PIGL: variants seen among roughly 807,000 people sequenced by gnomAD.
PIGL encodes N-acetylglucosaminyl-phosphatidylinositol de-N-acetylase.
PIGL carries 22 observed loss-of-function variants against 31.1 expected under a neutral mutation model. That is an observed-to-expected ratio of 0.71 (90% CI 0.51 to 1.01). PIGL has a LOEUF of 1.01. Ranked by LOEUF, PIGL falls within the 50% of genes least tolerant of loss-of-function variation. PIGL has a pLI of 0.00. For missense variants in PIGL, 302 were observed against 315.9 expected (o/e 0.96, Z 0.33); for synonymous variants, 131 against 117.4 (o/e 1.12, Z -0.75).
At chr17:16,325,139 A>G (rs2093121684) in intron 6 of PIGL, among the ~76,000 whole-genome samples, 1 of 151,916 alleles carries the variant, frequency 6.6e-6, no homozygotes, top group South Asian at 2.1e-4. Flanking sequence ...AGGTCAGGAG[A>G]TCGAGACTAT....
intron 2 of PIGL, among the ~76,000 whole-genome samples, chr17:16,248,726 C>G (rs147471706): frequency 1.4e-4 from 22 of 152,324 alleles, no homozygotes; most frequent in African/African-American, 5.3e-4. Context: ...TACCCATTAT[C>G]TAGTTCCAAA....
intron 2 of PIGL, among the ~76,000 whole-genome samples, chr17:16,241,609 A>G (rs1274727738): frequency 3.9e-5 from 6 of 152,070 alleles, no homozygotes; most frequent in African/African-American, 7.2e-5. Context: ...GAAATTGCCC[A>G]TGGATTAACT....
At chr17:16,217,603 AGCC>A in intron 1 of PIGL, 142 bp downstream of exon 1, 38 of 664,622 alleles carry the variant, frequency 5.7e-5, no homozygotes, top group Admixed American at 2.9e-4. Context: ...AACCCCTCAC[AGCC>A]TAGGGACAGG....
intron 1 of PIGL, among the ~76,000 whole-genome samples, chr17:16,233,027 T>C (rs528052348): frequency 8.6e-5 from 13 of 151,646 alleles, no homozygotes; most frequent in Non-Finnish European, 1.5e-4. Flanking sequence ...GGCAGGAGAA[T>C]CGCTTGAACT....
At chr17:16,248,787 C>A (rs1166284156) in intron 2 of PIGL, among the ~76,000 whole-genome samples, 1 of 152,184 alleles carries the variant, frequency 6.6e-6, no homozygotes, top group Non-Finnish European at 1.5e-5. Flanking sequence ...TAAAATCTGT[C>A]TTAGTCAGCT....
chr17:16,321,561 A>C (rs12948905), intron 6 of PIGL, among the ~76,000 whole-genome samples: 60,327 of 152,014 alleles, frequency 0.4, 13,728 homozygotes, highest in Middle Eastern at 0.52. Flanking sequence ...AATTTTCTAC[A>C]GTAAACCTTT....
intron 2 of PIGL, among the ~76,000 whole-genome samples, chr17:16,263,290 T>C (rs1021273499): frequency 6.6e-6 from 1 of 151,996 alleles, no homozygotes; most frequent in Admixed American, 6.6e-5. Flanking sequence ...GTGATCCTCC[T>C]GCCTCAGCCT....
chr17:16,302,141 A>T (rs2093007427), intron 3 of PIGL, among the ~76,000 whole-genome samples: 1 of 152,130 alleles, frequency 6.6e-6, no homozygotes, highest in Admixed American at 6.5e-5. Context: ...TGAGCTGCAG[A>T]TGGGCCTCAG....
intron 2 of PIGL, among the ~76,000 whole-genome samples, chr17:16,239,271 C>T (rs1025904101): frequency 1.5e-4 from 23 of 151,432 alleles, no homozygotes; most frequent in South Asian, 6.3e-4. Context: ...ATCAGGAGGT[C>T]AAGGGTTCAA....
At chr17:16,300,093 A>T in intron 3 of PIGL, 115 bp downstream of exon 3, 1 of 752,474 alleles carries the variant, frequency 1.3e-6, no homozygotes. Context: ...CTCCAGGGCC[A>T]CTCTCTAAGG....
intron 1 of PIGL, chr17:16,217,735 G>A: frequency 2.2e-6 from 1 of 445,002 alleles, no homozygotes; most frequent in Admixed American, 3.9e-5. Flanking sequence ...TTTCCGTTGG[G>A]AACTCCACCT....
intron 2 of PIGL, among the ~76,000 whole-genome samples, chr17:16,277,419 C>A (rs1198590833): frequency 1.3e-5 from 2 of 152,166 alleles, no homozygotes; most frequent in Non-Finnish European, 2.9e-5. Flanking sequence ...CAGGAGTATA[C>A]TTTACTCAAT....
chr17:16,230,158 G>A (rs2092672650), intron 1 of PIGL, among the ~76,000 whole-genome samples: 1 of 152,052 alleles, frequency 6.6e-6, no homozygotes, highest in Non-Finnish European at 1.5e-5. Context: ...ACTGTGCCTG[G>A]CCAAGTCATG....
chr17:16,257,054 A>C (rs895025321), intron 2 of PIGL, among the ~76,000 whole-genome samples: 1 of 151,910 alleles, frequency 6.6e-6, no homozygotes, highest in Non-Finnish European at 1.5e-5. Flanking sequence ...TGAGCCATGC[A>C]CTCCACTGCC....
intron 2 of PIGL, among the ~76,000 whole-genome samples, chr17:16,291,787 T>C (rs532675242): frequency 1.3e-5 from 2 of 149,270 alleles, no homozygotes; most frequent in Non-Finnish European, 3.0e-5. Context: ...ATCACTTGAA[T>C]CTGGGAGGCG....
chr17:16,298,918 C>T (rs1370343489), intron 2 of PIGL, among the ~76,000 whole-genome samples: 2 of 151,874 alleles, frequency 1.3e-5, no homozygotes, highest in Non-Finnish European at 2.9e-5. Context: ...ATCCCAGCTA[C>T]TTGGGAGGCT....
At chr17:16,282,590 T>C (rs2092921008) in intron 2 of PIGL, among the ~76,000 whole-genome samples, 1 of 152,240 alleles carries the variant, frequency 6.6e-6, no homozygotes. Flanking sequence ...ACTACTTAGA[T>C]GGTTCCTAAA....
intron 2 of PIGL, among the ~76,000 whole-genome samples, chr17:16,247,869 C>T (rs1363443291): frequency 6.6e-6 from 1 of 152,068 alleles, no homozygotes. Context: ...AGAGTGCTCT[C>T]TTCAGAACAA....
intron 2 of PIGL, among the ~76,000 whole-genome samples, chr17:16,289,071 T>G (rs774155681): frequency 5.9e-5 from 9 of 151,972 alleles, no homozygotes; most frequent in African/African-American, 9.7e-5. Flanking sequence ...GCTTGTCTTT[T>G]ATAATTTTTG....
Sources: allele counts gnomAD v4.1 joint callset (sites outside exome capture counted in the v4.1 genomes callset), GRCh38; gene constraint gnomAD v4.1.1; transcripts MANE v1.5; gene names NCBI Gene and HGNC (gene_info 2026-07-23, HGNC 2026-07-21).